MARCHF8: variants seen among roughly 807,000 people sequenced by gnomAD.
MARCHF8 encodes the protein E3 ubiquitin-protein ligase MARCHF8.
A neutral mutation model predicts 51.6 loss-of-function variants in MARCHF8; 40 were observed. That is an observed-to-expected ratio of 0.77 (90% CI 0.60 to 1.01). The LOEUF is 1.01. Ranked by LOEUF, MARCHF8 falls within the 50% of genes least tolerant of loss-of-function variation. The pLI, the probability that MARCHF8 is intolerant of heterozygous loss-of-function variation, is 0.00. For synonymous variants in MARCHF8, 263 were observed against 280.3 expected (o/e 0.94, Z 0.62); for missense variants, 685 against 708.6 (o/e 0.97, Z 0.38).
chr10:45,536,067 T>A (rs2043966553), upstream of MARCHF8, among the ~76,000 whole-genome samples: 2 of 152,056 alleles, frequency 1.3e-5, no homozygotes, highest in African/African-American at 4.8e-5. Flanking sequence ...GATCTGAAAA[T>A]TTATATAAAA....
At chr10:45,545,822 G>A (rs2044112435) in intron 1 of MARCHF8, among the ~76,000 whole-genome samples, 1 of 152,104 alleles carries the variant, frequency 6.6e-6, no homozygotes, top group Non-Finnish European at 1.5e-5. Context: ...ACTCAGCCAG[G>A]AAAGAAGGCT....
rs117333415 is a variant in MARCHF8 at position 45,550,642 on chromosome 10, C to T, written c.-78-17353G>A. On this transcript the variant is annotated intron_variant, in intron 1 of 6. Coordinates refer to the MARCHF8 transcript ENST00000319836. ...CCCCTGACCATCCGAGATATGTCTG[C>T]CCAGGCAGGACAAATCTTCTCAAGG... Among the ~76,000 whole-genome samples, 88 of 152,244 alleles carry T rather than the reference C, an allele frequency of 5.8e-4. 2 individuals carry two copies. In the East Asian group the frequency reaches 0.016, roughly 27 times the overall value.
At chr10:45,578,372 G>A (rs879476857) in intron 1 of MARCHF8, among the ~76,000 whole-genome samples, 1 of 152,172 alleles carries the variant, frequency 6.6e-6, no homozygotes, top group Non-Finnish European at 1.5e-5. Flanking sequence ...GATGATTTTA[G>A]TATCAAGATA....
At position 45,513,791 on chromosome 10, in the gene MARCHF8, A is replaced by G. The variant is rs550169257; in HGVS notation, c.102+19319T>C. ...CACACACGTGGGAAATAATACCACA[A>G]AACAGAACAAAGACCCTTTGTTCTG... is the stretch of plus-strand genomic sequence containing the variant. On this transcript the variant is annotated intron_variant, in intron 2 of 7. Transcript: ENST00000453424. Among the ~76,000 whole-genome samples, 8 of 152,322 alleles carry G rather than the reference A, an allele frequency of 5.3e-5. No homozygotes were observed. The East Asian group carries it at 1.5e-3, about 29-fold the overall frequency.
At chr10:45,571,905 A>C (rs924095955) in intron 1 of MARCHF8, among the ~76,000 whole-genome samples, 1 of 152,170 alleles carries the variant, frequency 6.6e-6, no homozygotes, top group Non-Finnish European at 1.5e-5. Flanking sequence ...TCATAGACTC[A>C]GGAAGACAGT....
At chr10:45,578,946 TATG>T (rs1442476728) in intron 1 of MARCHF8, among the ~76,000 whole-genome samples, 1 of 152,058 alleles carries the variant, frequency 6.6e-6, no homozygotes, top group Non-Finnish European at 1.5e-5. Context: ...ACTAAAGAAA[TATG>T]ATAATTTCAT....
Position 45,486,966 on chromosome 10 carries a change from C to T in MARCHF8, c.153+2401G>A, listed in dbSNP as rs1409793683. Among the ~76,000 whole-genome samples, 8 of 151,898 alleles carry T rather than the reference C, an allele frequency of 5.3e-5. No individual in the cohort carries two copies. The South Asian group carries it at 1.0e-3, about 20-fold the overall frequency. On this transcript the variant is annotated intron_variant, in intron 3 of 7. Coordinates refer to ENST00000453424, the MANE Select transcript of MARCHF8 (RefSeq NM_001282866.2). ...CTGGGACTGCAGGTGTGCACCACCA[C>T]GCCTGGCTATTTTTTTGGAATTTTA...
chr10:45,462,556 A>T (rs529759164), intron 5 of MARCHF8, among the ~76,000 whole-genome samples: 1 of 151,728 alleles, frequency 6.6e-6, no homozygotes, highest in South Asian at 2.1e-4. Flanking sequence ...TGCAAAGTCT[A>T]CTTATTTTTA....
Position 45,555,743 on chromosome 10 carries a change from C to CAAA in MARCHF8, c.-78-22457_-78-22455dup, listed in dbSNP as rs34811393. Among the ~76,000 whole-genome samples, 854 of 96,126 alleles carry CAAA rather than the reference C, an allele frequency of 8.9e-3. 7 individuals are homozygous for CAAA. The highest frequency in any genetic ancestry group is 0.032 in the African/African-American group (784 of 24,270). The allele number at this position is 96,126 out of a possible 152,430, so 63.1% of individuals were successfully genotyped here. ...TGAGCGACATTGTAAGACCCTGTCT[C>CAAA]AAAAAAAAAAAAAAAGAAAAAGAAA... On this transcript the variant is annotated intron_variant, in intron 1 of 6. Coordinates refer to the MARCHF8 transcript ENST00000319836.
intron 3 of MARCHF8, among the ~76,000 whole-genome samples, chr10:45,486,653 T>C (rs2042984432): frequency 6.6e-6 from 1 of 152,162 alleles, no homozygotes; most frequent in Non-Finnish European, 1.5e-5. Flanking sequence ...TGAACTGTCC[T>C]GGCCCAATCA....
At chr10:45,512,100 G>C (rs553651094) in intron 2 of MARCHF8, among the ~76,000 whole-genome samples, 2 of 148,592 alleles carry the variant, frequency 1.3e-5, no homozygotes, top group East Asian at 4.1e-4. Flanking sequence ...CTGCCCCGCC[G>C]CCCCGTCTGG....
At chr10:45,533,043 G>C in intron 2 of MARCHF8, 67 bp downstream of exon 2, 1 of 1,325,864 alleles carries the variant, frequency 7.5e-7, no homozygotes, top group Non-Finnish European at 1.0e-6. Flanking sequence ...TTTAAGCACT[G>C]TTCTAGGTCA....
chr10:45,592,196 G>A (rs913511632), intron 1 of MARCHF8, among the ~76,000 whole-genome samples: 8 of 151,116 alleles, frequency 5.3e-5, no homozygotes, highest in Non-Finnish European at 1.0e-4. Flanking sequence ...AAGAAAGAAA[G>A]AAAGAGTTTA....
rs527927243 is a variant in MARCHF8, at chr10:45,558,609, C to T, written c.-78-25320G>A. Among the ~76,000 whole-genome samples, 170 of 152,344 alleles carry T rather than the reference C, an allele frequency of 1.1e-3. 1 individual carries two copies. The highest frequency in any genetic ancestry group is 6.8e-3 in the Middle Eastern group (2 of 294). ...CATGACAGTTGACCTATCAACCAAA[C>T]GATCTTTGCACTGACAACAGTGGCT... On this transcript the variant is annotated intron_variant, in intron 1 of 6. Coordinates refer to the MARCHF8 transcript ENST00000319836.
At chr10:45,502,846 A>G (rs967151311) in intron 2 of MARCHF8, among the ~76,000 whole-genome samples, 1 of 152,204 alleles carries the variant, frequency 6.6e-6, no homozygotes, top group Non-Finnish European at 1.5e-5. Context: ...GCAATAAAGA[A>G]AGAGCAACAG....
upstream of MARCHF8, among the ~76,000 whole-genome samples, chr10:45,536,591 T>TA (rs35718772): frequency 1.0e-3 from 147 of 142,432 alleles, 1 homozygote; most frequent in Middle Eastern, 3.6e-3. Context: ...TTATAAATGT[T>TA]AAAAAAAAAA....
intron 1 of MARCHF8, among the ~76,000 whole-genome samples, chr10:45,545,915 A>G (rs2044113901): frequency 6.6e-6 from 1 of 152,172 alleles, no homozygotes; most frequent in Non-Finnish European, 1.5e-5. Flanking sequence ...CTATAAAGCT[A>G]TAAAGATTGC....
chr10:45,521,157 G>C (rs1377378318), intron 2 of MARCHF8, among the ~76,000 whole-genome samples: 2 of 152,172 alleles, frequency 1.3e-5, no homozygotes, highest in African/African-American at 4.8e-5. Flanking sequence ...AATTGATGGG[G>C]AATGAAGTCA....
intron 2 of MARCHF8, among the ~76,000 whole-genome samples, chr10:45,522,442 C>T (rs2043722302): frequency 6.6e-6 from 1 of 150,644 alleles, no homozygotes. Context: ...AAGACCTTTG[C>T]TCTCAGGGAA....
Sources: gnomAD v4.1 joint callset for allele counts (sites outside exome capture counted in the v4.1 genomes callset) on GRCh38, gnomAD v4.1.1 for gene constraint, MANE v1.5 for transcripts, NCBI Gene and HGNC (gene_info 2026-07-23, HGNC 2026-07-21) for gene names.